The following AFF3 variants were observed in gnomAD, a reference collection of about 807,000 sequenced individuals.
AFF3 encodes the protein ALF transcription elongation factor 3.
Under a neutral mutation model 129.7 loss-of-function variants are expected in AFF3, and 32 were observed. The observed-to-expected ratio is 0.25, with a 90% CI of 0.19 to 0.33. The LOEUF (loss-of-function observed/expected upper bound fraction) is 0.33. AFF3 is among the 10% of genes least tolerant of loss of function. The pLI, the probability that AFF3 is intolerant of heterozygous loss-of-function variation, is 1.00. For missense variants in AFF3, 1,373 were observed against 1,592.0 expected (o/e 0.86, Z 2.34); for synonymous variants, 644 against 635.4 (o/e 1.01, Z -0.20).
chr2:99,793,145 G>C (rs1327988560), intron 8 of AFF3, among the ~76,000 whole-genome samples: 1 of 152,090 alleles, frequency 6.6e-6, no homozygotes, highest in Middle Eastern at 3.2e-3. Flanking sequence ...CCATGGTAAT[G>C]GGTGAGTTTC....
chr2:100,059,891 G>A (rs915840281), intron 4 of AFF3, among the ~76,000 whole-genome samples: 2 of 152,168 alleles, frequency 1.3e-5, no homozygotes, highest in South Asian at 4.1e-4. Flanking sequence ...ATGAAACACA[G>A]CAGGATCCAA....
chr2:99,719,058 T>TC (rs1678648810), intron 11 of AFF3, among the ~76,000 whole-genome samples: 1 of 150,240 alleles, frequency 6.7e-6, no homozygotes, highest in African/African-American at 2.4e-5. Flanking sequence ...GCCTTTTTTT[T>TC]TTTTTTTTTT....
chr2:99,935,292 A>G (rs1036680907), intron 7 of AFF3, among the ~76,000 whole-genome samples: 6 of 152,106 alleles, frequency 3.9e-5, no homozygotes, highest in African/African-American at 1.4e-4. Flanking sequence ...ACCTTTGCCT[A>G]TGGGACACTG....
intron 24 of AFF3, 96 bp from the exon 25 acceptor site, chr2:99,551,691 T>TATA: frequency 6.8e-7 from 1 of 1,474,298 alleles, no homozygotes; most frequent in Non-Finnish European, 9.3e-7. Flanking sequence ...ATGGTCTCTA[T>TATA]ATAAATCAAG....
intron 8 of AFF3, among the ~76,000 whole-genome samples, chr2:99,791,177 T>C (rs1025563969): frequency 1.3e-5 from 2 of 152,196 alleles, no homozygotes; most frequent in Non-Finnish European, 2.9e-5. Context: ...GAGGTTCCTC[T>C]TCTTTTTCTT....
At chr2:99,709,829 G>C (rs910948080) in intron 11 of AFF3, among the ~76,000 whole-genome samples, 2 of 152,188 alleles carry the variant, frequency 1.3e-5, no homozygotes, top group Non-Finnish European at 2.9e-5. Flanking sequence ...AATCGAACTT[G>C]ATCGTCTAGC....
intron 13 of AFF3, among the ~76,000 whole-genome samples, chr2:99,643,222 G>C (rs1684379060): frequency 6.6e-6 from 1 of 151,820 alleles, no homozygotes; most frequent in Non-Finnish European, 1.5e-5. Context: ...ACCACGCCCA[G>C]CTAATTTTTG....
chr2:99,764,226 C>A (rs1575909177), intron 8 of AFF3, among the ~76,000 whole-genome samples: 1 of 152,172 alleles, frequency 6.6e-6, no homozygotes, highest in Non-Finnish European at 1.5e-5. Flanking sequence ...CAAAAGCACT[C>A]CTTATTGCAG....
At chr2:99,816,927 C>T (rs1375855889) in intron 8 of AFF3, among the ~76,000 whole-genome samples, 7 of 152,132 alleles carry the variant, frequency 4.6e-5, no homozygotes, top group Admixed American at 2.0e-4. Context: ...TGCCCTTCCT[C>T]CTGTAGATTA....
chr2:99,714,397 AT>A (rs1272844670), intron 11 of AFF3, among the ~76,000 whole-genome samples: 1 of 151,916 alleles, frequency 6.6e-6, no homozygotes, highest in Non-Finnish European at 1.5e-5. Flanking sequence ...TTTCTATTTT[AT>A]TTTTTATTCT....
At position 99,867,578 on chromosome 2, in the gene AFF3, A is replaced by T. The variant is rs1350004953; in HGVS notation, c.874-30054T>A. On this transcript the variant is annotated intron_variant, in intron 7 of 24. Coordinates refer to ENST00000672756, the MANE Select transcript of AFF3 (RefSeq NM_001386135.1). ...CCCCAAGGCCTATATTTCTATATTA[A>T]AAAAAAAAAAAAAAACATAGCTGGC... Among the ~76,000 whole-genome samples the T allele has an allele frequency of 8.7e-5, 5 of 57,500 alleles. No individual in the cohort carries two copies. In the South Asian group the frequency reaches 3.3e-3, roughly 38 times the overall value. The allele number at this position is 57,500 out of a possible 152,430, so 37.7% of individuals were successfully genotyped here.
intron 8 of AFF3, among the ~76,000 whole-genome samples, chr2:99,788,332 G>A (rs1266216439): frequency 1.3e-5 from 2 of 152,126 alleles, no homozygotes; most frequent in Admixed American, 6.5e-5. Flanking sequence ...ACAGCTCCAC[G>A]CATGTTACCA....
At chr2:99,591,622 TA>T (rs1205902649) in intron 15 of AFF3, among the ~76,000 whole-genome samples, 2 of 152,204 alleles carry the variant, frequency 1.3e-5, no homozygotes, top group Non-Finnish European at 2.9e-5. Flanking sequence ...CAGGACAAGG[TA>T]ACAAGCTGTA....
rs201955139 is a variant in AFF3 at position 99,654,046 on chromosome 2, AT to A, written c.1144-4381del. Among the ~76,000 whole-genome samples, 42 of 152,090 alleles carry A rather than the reference AT, an allele frequency of 2.8e-4. No individual in the cohort carries two copies. In the East Asian group the frequency reaches 7.2e-3, roughly 26 times the overall value. On this transcript the variant is annotated intron_variant, in intron 12 of 24. Coordinates refer to ENST00000672756, the MANE Select transcript of AFF3 (RefSeq NM_001386135.1). ...AGGCATGCGCCACCAAACCCAGCTA[AT>A]TTTTTTGTATTTAGTAGAGACGGGG...
intron 7 of AFF3, among the ~76,000 whole-genome samples, chr2:99,977,276 G>T (rs1678988464): frequency 6.6e-6 from 1 of 152,140 alleles, no homozygotes; most frequent in Non-Finnish European, 1.5e-5. Context: ...TCTCTCCAAT[G>T]CTGGGTAGCA....
intron 4 of AFF3, among the ~76,000 whole-genome samples, chr2:100,015,948 T>C (rs1682989206): frequency 6.6e-6 from 1 of 151,782 alleles, no homozygotes; most frequent in Non-Finnish European, 1.5e-5. Flanking sequence ...ATGGTGGTGG[T>C]GGTGGTGATG....
chr2:100,075,652 T>C (rs890755322), intron 4 of AFF3, among the ~76,000 whole-genome samples: 1 of 152,154 alleles, frequency 6.6e-6, no homozygotes, highest in African/African-American at 2.4e-5. Flanking sequence ...TTATGGAAAT[T>C]TCACTATAAT....
rs201768114 is a variant in AFF3, at chr2:99,593,599, A to G, written c.2062T>C (p.Tyr688His). The change falls in exon 15 of 25, where the codon TAC becomes CAC. Residue 688 changes from tyrosine (Y) to histidine (H), a missense_variant. Coordinates refer to ENST00000672756, the MANE Select transcript of AFF3 (RefSeq NM_001386135.1). ...DSDLESEQEE[Y>H]PLSKAQTVAA... is the part of the protein sequence containing the mutation. ...ACGGTCTGTGCTTTGGACAGAGGGT[A>G]CTCCTCCTGCTCGGACTCCAGGTCG... 118 of 1,612,282 alleles carry G rather than the reference A, an allele frequency of 7.3e-5. 1 individual carries two copies. In the East Asian group the frequency reaches 2.6e-3, roughly 35 times the overall value.
At chr2:99,553,391 T>C (rs1674588243) in intron 24 of AFF3, among the ~76,000 whole-genome samples, 1 of 152,206 alleles carries the variant, frequency 6.6e-6, no homozygotes, top group Non-Finnish European at 1.5e-5. Flanking sequence ...AACATCTTGC[T>C]CTTTGGAGCT....
Sources: allele counts gnomAD v4.1 joint callset (sites outside exome capture counted in the v4.1 genomes callset), GRCh38; gene constraint gnomAD v4.1.1; transcripts MANE v1.5; gene names NCBI Gene and HGNC (gene_info 2026-07-23, HGNC 2026-07-21).